The following RGS6 variants were observed in gnomAD, a reference collection of about 807,000 sequenced individuals.
RGS6 encodes the protein regulator of G protein signaling 6.
In RGS6, 30 loss-of-function variants were observed where a neutral mutation model predicts 78.5. That is an observed-to-expected ratio of 0.38 (90% CI 0.29 to 0.52). The LOEUF (loss-of-function observed/expected upper bound fraction) is 0.52. Among genes scored for constraint, RGS6 ranks in the 20% least tolerant of loss-of-function variants. The pLI is 0.85. For synonymous variants in RGS6, 206 were observed against 206.0 expected (o/e 1.00, Z 0.00); for missense variants, 495 against 609.7 (o/e 0.81, Z 1.98).
intron 2 of RGS6, among the ~76,000 whole-genome samples, chr14:72,241,126 C>T (rs1413898144): frequency 2.1e-5 from 3 of 142,540 alleles, no homozygotes; most frequent in Non-Finnish European, 4.5e-5. Context: ...CACTGCATTC[C>T]AGCCTGGTGA....
intron 6 of RGS6, among the ~76,000 whole-genome samples, chr14:72,464,532 CAA>C (rs1280145847): frequency 1.3e-5 from 2 of 152,168 alleles, no homozygotes. Flanking sequence ...GTTGATCCAG[CAA>C]AGAGTTGACT....
At chr14:72,476,631 T>C (rs1051711496) in intron 10 of RGS6, 111 bp from the exon 11 acceptor site, 10 of 715,406 alleles carry the variant, frequency 1.4e-5, no homozygotes, top group Non-Finnish European at 2.4e-5. Context: ...ACCAATCTCT[T>C]ATTGTCATGA....
the RGS6 span, among the ~76,000 whole-genome samples, chr14:71,921,185 T>C: frequency 6.6e-6 from 1 of 152,140 alleles, no homozygotes; most frequent in East Asian, 1.9e-4. Flanking sequence ...ATGGCTATCA[T>C]TGAAAAGACA....
chr14:72,447,903 C>G (rs575173955), intron 3 of RGS6, among the ~76,000 whole-genome samples: 8 of 152,168 alleles, frequency 5.3e-5, no homozygotes, highest in African/African-American at 9.7e-5. Context: ...AGGGTTTCAC[C>G]ATGTTGGCCA....
At chr14:72,218,888 G>C (rs2046226619) in intron 2 of RGS6, among the ~76,000 whole-genome samples, 1 of 152,000 alleles carries the variant, frequency 6.6e-6, no homozygotes, top group African/African-American at 2.4e-5. Context: ...GGGATTACAA[G>C]CGTGAGCCAC....
Position 72,174,599 on chromosome 14 carries a change from A to G in RGS6, c.85-177496A>G, listed in dbSNP as rs573326100. 5.2e-4 allele frequency among the ~76,000 whole-genome samples: 79 copies of G among 152,288 alleles called. 1 individual carries two copies. Among genetic ancestry groups the G allele is most frequent in the Non-Finnish European group, 1.0e-3 (69 of 68,022 alleles). ...CCTAGAAAGACCACTTGCCATCCCA[A>G]TATCTAGCCAGTCCTGGAGTGGACC... On this transcript the variant is annotated intron_variant, in intron 2 of 17. Transcript: ENST00000553525.
chr14:71,995,772 C>T (rs1238838101), intron 2 of RGS6, among the ~76,000 whole-genome samples: 1 of 152,124 alleles, frequency 6.6e-6, no homozygotes, highest in African/African-American at 2.4e-5. Flanking sequence ...GGCATATTTA[C>T]TTCTTGGTTT....
At chr14:72,463,342 G>T (rs2095828613) in intron 6 of RGS6, among the ~76,000 whole-genome samples, 1 of 152,240 alleles carries the variant, frequency 6.6e-6, no homozygotes, top group Non-Finnish European at 1.5e-5. Context: ...GCAAGCCCTA[G>T]TGAGGGCACT....
intron 12 of RGS6, among the ~76,000 whole-genome samples, chr14:72,479,438 C>T (rs2096318697): frequency 6.6e-6 from 1 of 152,176 alleles, no homozygotes; most frequent in South Asian, 2.1e-4. Context: ...GCATTCCTGA[C>T]CTCTCCCCAT....
At chr14:72,540,740 G>A in intron 17 of RGS6, 1 of 1,290,812 alleles carries the variant, frequency 7.7e-7, no homozygotes, top group South Asian at 1.3e-5. Context: ...TCCCTGCGGT[G>A]TCCTGGGTAC....
intron 3 of RGS6, among the ~76,000 whole-genome samples, chr14:72,424,047 T>A (rs917118351): frequency 6.6e-6 from 1 of 152,122 alleles, no homozygotes; most frequent in Non-Finnish European, 1.5e-5. Context: ...GATGAAGCCA[T>A]CCAGGTAGCA....
intron 2 of RGS6, among the ~76,000 whole-genome samples, chr14:72,224,614 T>C (rs1236095440): frequency 6.6e-6 from 1 of 152,228 alleles, no homozygotes; most frequent in Non-Finnish European, 1.5e-5. Context: ...ATGTCTCCTA[T>C]GCCTGAAAAG....
At chr14:72,252,068 T>G (rs1001157511) in intron 2 of RGS6, among the ~76,000 whole-genome samples, 1 of 152,228 alleles carries the variant, frequency 6.6e-6, no homozygotes, top group Non-Finnish European at 1.5e-5. Flanking sequence ...TTAGACTAGT[T>G]TTTGTACCAT....
chr14:72,593,539 G>A, the RGS6 span, among the ~76,000 whole-genome samples: 1 of 151,926 alleles, frequency 6.6e-6, no homozygotes, highest in South Asian at 2.1e-4. Flanking sequence ...CACATGCCAC[G>A]ATGCCCAGCT....
chr14:71,999,435 G>A (rs2082966630), intron 2 of RGS6, among the ~76,000 whole-genome samples: 1 of 152,220 alleles, frequency 6.6e-6, no homozygotes, highest in Non-Finnish European at 1.5e-5. Context: ...GAAGTATGAT[G>A]GTGAAAGTAG....
At chr14:71,988,218 T>A (rs11158926) in intron 2 of RGS6, among the ~76,000 whole-genome samples, 49,062 of 151,916 alleles carry the variant, frequency 0.32, 8,472 homozygotes, top group South Asian at 0.38. Flanking sequence ...GAGCAGGGGG[T>A]GAGCATTTTC....
intron 2 of RGS6, among the ~76,000 whole-genome samples, chr14:72,112,323 A>G (rs2095787112): frequency 6.6e-6 from 1 of 152,178 alleles, no homozygotes; most frequent in South Asian, 2.1e-4. Flanking sequence ...ATCTGTTTTG[A>G]TGCGTGCTCC....
At chr14:72,537,313 G>A (rs1247490349) in intron 16 of RGS6, among the ~76,000 whole-genome samples, 3 of 152,278 alleles carry the variant, frequency 2.0e-5, no homozygotes, top group South Asian at 2.1e-4. Flanking sequence ...TTCTCTCTGT[G>A]TGCTGTCACC....
At chr14:72,385,139 C>T (rs915088663) in intron 3 of RGS6, among the ~76,000 whole-genome samples, 3 of 152,038 alleles carry the variant, frequency 2.0e-5, no homozygotes, top group African/African-American at 7.2e-5. Context: ...CTTGCCATGT[C>T]GTTTATAGGA....
Sources: allele counts gnomAD v4.1 joint callset (sites outside exome capture counted in the v4.1 genomes callset), GRCh38; gene constraint gnomAD v4.1.1; transcripts MANE v1.5; gene names NCBI Gene and HGNC (gene_info 2026-07-23, HGNC 2026-07-21).